The following MICU3 variants were observed in gnomAD, a reference collection of about 807,000 sequenced individuals.
The protein encoded by MICU3 is mitochondrial calcium uptake 3.
A neutral mutation model predicts 66.5 loss-of-function variants in MICU3; 62 were observed. The observed-to-expected ratio is 0.93, with a 90% confidence interval of 0.76 to 1.15. The LOEUF (loss-of-function observed/expected upper bound fraction) is 1.15, where lower values mean the gene tolerates loss of function less well. Among genes scored for constraint, MICU3 ranks in the 50% most tolerant of loss-of-function variants. MICU3 has a pLI of 0.00. For missense variants in MICU3, 779 were observed against 664.4 expected (o/e 1.17, Z -1.90); for synonymous variants, 308 against 240.7 (o/e 1.28, Z -2.59).
chr8:17,129,385 T>A, the MICU3 span, among the ~76,000 whole-genome samples: 1 of 152,184 alleles, frequency 6.6e-6, no homozygotes. Context: ...ATTATAAACA[T>A]GTTCAAGGGT....
chr8:17,118,752 A>G lies in MICU3; in HGVS notation c.1570A>G (p.Lys524Glu). The G allele has an allele frequency of 6.2e-7, 1 of 1,612,142 alleles. No homozygotes were observed. Among genetic ancestry groups the G allele is most frequent in the Non-Finnish European group, 8.5e-7 (1 of 1,178,460 alleles). The change falls in exon 14 of 15, where the codon AAG becomes GAG. Residue 524 changes from lysine (K) to glutamate (E), a missense_variant. Physicochemically the swap from Lys to Glu is moderately conservative, Grantham distance 56. Coordinates refer to ENST00000318063, the MANE Select transcript of MICU3 (RefSeq NM_181723.3). ...GTACCCCACTTTCAAATCCTGCCTG[A>G]AGAAAGAACTTCACAGCAGATAAGT... ...QKYPTFKSCL[K>E]KELHSR
rs552465417 is a variant in MICU3, at chr8:17,056,676, G to A, written c.382-7408G>A. Among the ~76,000 whole-genome samples the A allele has an allele frequency of 1.5e-4, 23 of 152,330 alleles. 1 individual carries two copies. Among genetic ancestry groups the A allele is most frequent in the African/African-American group, 5.5e-4 (23 of 41,564 alleles). ...TCCAGATACTGTGTTGGCTCACAGG[G>A]AAGCTGTGTGGTCAGAGTCTAAGGT... On this transcript the variant is annotated intron_variant, in intron 1 of 14. Coordinates refer to ENST00000318063, the MANE Select transcript of MICU3 (RefSeq NM_181723.3).
intron 14 of MICU3, among the ~76,000 whole-genome samples, chr8:17,119,564 G>GATAGATAAATAGATAC (rs1803029616): frequency 7.8e-6 from 1 of 128,436 alleles, no homozygotes; most frequent in African/African-American, 2.5e-5. Context: ...TAGATAGATA[G>GATAGATAAATAGATAC]ATAGATAGAT....
At chr8:17,134,103 A>C in the MICU3 span, 3 of 152,288 alleles carry the variant, frequency 2.0e-5, no homozygotes, top group Admixed American at 2.0e-4. Flanking sequence ...AAAATTATAA[A>C]TTAATTTGGA....
At chr8:17,042,967 T>A (rs1279619329) in intron 1 of MICU3, among the ~76,000 whole-genome samples, 1 of 114,454 alleles carries the variant, frequency 8.7e-6, no homozygotes, top group Admixed American at 1.1e-4. Flanking sequence ...TGAGACGGAG[T>A]CTCACTCTTT....
chr8:17,071,887 A>G (rs1209195195), intron 3 of MICU3, among the ~76,000 whole-genome samples: 1 of 152,184 alleles, frequency 6.6e-6, no homozygotes, highest in African/African-American at 2.4e-5. Flanking sequence ...TTATTAAATT[A>G]TGTTTTTAAA....
At chr8:17,092,517 A>G (rs142625287) in intron 8 of MICU3, among the ~76,000 whole-genome samples, 15 of 152,092 alleles carry the variant, frequency 9.9e-5, no homozygotes, top group African/African-American at 3.4e-4. Flanking sequence ...TTTTATAGAA[A>G]TCAGCTTTTT....
intron 2 of MICU3, among the ~76,000 whole-genome samples, chr8:17,068,146 A>T (rs966453736): frequency 2.0e-5 from 3 of 152,202 alleles, no homozygotes; most frequent in Admixed American, 1.3e-4. Flanking sequence ...TATTTCCACT[A>T]GAATTGAAGT....
chr8:17,101,726 C>T (rs1801272201), intron 9 of MICU3, among the ~76,000 whole-genome samples: 1 of 151,774 alleles, frequency 6.6e-6, no homozygotes, highest in Admixed American at 6.6e-5. Context: ...GTTCCTGTAA[C>T]CACTCATTTT....
chr8:17,065,703 AC>A (rs1818573279), intron 2 of MICU3, among the ~76,000 whole-genome samples: 1 of 152,210 alleles, frequency 6.6e-6, no homozygotes, highest in African/African-American at 2.4e-5. Flanking sequence ...AGATTTAAAA[AC>A]ATGAAGGTTA....
intron 3 of MICU3, among the ~76,000 whole-genome samples, chr8:17,077,162 C>T (rs887652902): frequency 6.6e-6 from 1 of 152,180 alleles, no homozygotes; most frequent in Non-Finnish European, 1.5e-5. Flanking sequence ...CAGTTGAAGT[C>T]TGTGTTCTTT....
chr8:17,045,273 C>A (rs1814880506), intron 1 of MICU3, among the ~76,000 whole-genome samples: 1 of 152,152 alleles, frequency 6.6e-6, no homozygotes, highest in African/African-American at 2.4e-5. Context: ...TCTCTTTCTC[C>A]TGCCTGCCTT....
At chr8:17,127,772 A>T in the MICU3 span, among the ~76,000 whole-genome samples, 1 of 152,228 alleles carries the variant, frequency 6.6e-6, no homozygotes, top group African/African-American at 2.4e-5. Flanking sequence ...AGGTTTTAAA[A>T]GCTTAGGTTA....
intron 1 of MICU3, among the ~76,000 whole-genome samples, chr8:17,035,550 A>G (rs1309787724): frequency 1.3e-5 from 2 of 152,184 alleles, no homozygotes; most frequent in Non-Finnish European, 2.9e-5. Flanking sequence ...ATGTTTTAGC[A>G]AAGAGACTAG....
intron 1 of MICU3, among the ~76,000 whole-genome samples, chr8:17,062,000 G>A (rs180838134): frequency 3.9e-5 from 6 of 152,194 alleles, no homozygotes; most frequent in African/African-American, 1.2e-4. Context: ...TGTTTCTAAA[G>A]CACCATTTTC....
intron 1 of MICU3, among the ~76,000 whole-genome samples, chr8:17,033,733 G>T (rs2150489809): frequency 6.6e-6 from 1 of 152,248 alleles, no homozygotes; most frequent in African/African-American, 2.4e-5. Context: ...ACCGTGCCTG[G>T]CCAACTATCA....
At chr8:17,076,013 ATGT>A (rs956679267) in intron 3 of MICU3, among the ~76,000 whole-genome samples, 1 of 152,078 alleles carries the variant, frequency 6.6e-6, no homozygotes, top group African/African-American at 2.4e-5. Context: ...TTTATTCAGA[ATGT>A]TGTTTTTTAA....
In MICU3 at chr8:17,105,566, C is replaced by T. The variant is rs778967634; in HGVS notation, c.1239C>T (p.Tyr413=). 5 of 1,538,772 alleles carry T rather than the reference C, an allele frequency of 3.2e-6. No homozygotes were observed. Among genetic ancestry groups the T allele is most frequent in the Non-Finnish European group, 4.4e-6 (5 of 1,143,070 alleles). Residue 413 remains tyrosine, a synonymous_variant, in exon 11 of 15, where the codon TAC becomes TAT. Transcript: ENST00000318063. ...NTSVFLENVR[Y]SIPEEKGITF... Reference sequence around the variant, plus strand: ...CAGTATTTTTAGAAAATGTGCGTTACAGTATACCTGAAGAAAAGGTATCTA... The same window carrying T: ...CAGTATTTTTAGAAAATGTGCGTTATAGTATACCTGAAGAAAAGGTATCTA...
intron 9 of MICU3, 68 bp from the exon 10 acceptor site, chr8:17,104,323 A>T: frequency 1.5e-6 from 1 of 668,404 alleles, no homozygotes; most frequent in Non-Finnish European, 2.4e-6. Context: ...ATTCTTTGAG[A>T]AATATTGGGT....
Sources: gnomAD v4.1 joint callset for allele counts (sites outside exome capture counted in the v4.1 genomes callset) on GRCh38, gnomAD v4.1.1 for gene constraint, MANE v1.5 for transcripts, NCBI Gene and HGNC (gene_info 2026-07-23, HGNC 2026-07-21) for gene names.